The following VSTM4 variants were observed in gnomAD, a reference collection of about 807,000 sequenced individuals.
VSTM4 encodes the protein V-set and transmembrane domain-containing protein 4.
A neutral mutation model predicts 36.4 loss-of-function variants in VSTM4; 20 were observed. The ratio of observed to expected loss-of-function variants is 0.55; its 90% CI spans 0.39 to 0.80. The LOEUF is 0.80. Ranked by LOEUF, VSTM4 falls within the 30% of genes least tolerant of loss-of-function variation. The pLI, the probability that VSTM4 is intolerant of heterozygous loss-of-function variation, is 0.00. For missense variants in VSTM4, 392 were observed against 404.5 expected (o/e 0.97, Z 0.26); for synonymous variants, 182 against 173.9 (o/e 1.05, Z -0.37).
chr10:49,023,835 G>T, intron 7 of VSTM4, among the ~76,000 whole-genome samples: 1 of 152,264 alleles, frequency 6.6e-6, no homozygotes, highest in Admixed American at 6.5e-5. Flanking sequence ...TGGAACTCAG[G>T]ATAGAAGCTT....
intron 3 of VSTM4, among the ~76,000 whole-genome samples, chr10:49,084,417 G>T (rs1844334398): frequency 6.6e-6 from 1 of 152,188 alleles, no homozygotes; most frequent in Non-Finnish European, 1.5e-5. Context: ...GCCTATGTGG[G>T]TGACACCTTA....
chr10:49,098,237 C>G (rs924563569), intron 2 of VSTM4, among the ~76,000 whole-genome samples: 7 of 152,212 alleles, frequency 4.6e-5, no homozygotes, highest in Non-Finnish European at 2.9e-5. Context: ...TCCTCACCAG[C>G]CTTGGGGCTG....
At position 49,077,207 on chromosome 10, in the gene VSTM4, CT is replaced by C. The variant is rs763945584; in HGVS notation, c.634+11del. 2 of 1,613,276 alleles carry C rather than the reference CT, an allele frequency of 1.2e-6. No homozygotes were observed. The highest frequency in any genetic ancestry group is 1.7e-6 in the Non-Finnish European group (2 of 1,179,800). Reference sequence around the variant, plus strand: ...GCTCCCATCCCAGACATGACCTTATCTGTTTTCTTACCTCTGGATTTCCGCT... The same window carrying C: ...GCTCCCATCCCAGACATGACCTTATCGTTTTCTTACCTCTGGATTTCCGCT... On this transcript the variant is annotated intron_variant, in intron 4 of 7. Transcript: ENST00000332853.
intron 2 of VSTM4, chr10:49,102,262 G>C: frequency 3.3e-6 from 1 of 303,302 alleles, no homozygotes; most frequent in Non-Finnish European, 4.8e-6. Context: ...TCAGCCTCCC[G>C]AGTAGCTGGG....
At chr10:49,054,782 G>C (rs569293859) in intron 5 of VSTM4, among the ~76,000 whole-genome samples, 7 of 152,282 alleles carry the variant, frequency 4.6e-5, no homozygotes, top group Non-Finnish European at 8.8e-5. Context: ...GTGGCATCAG[G>C]AGTCCTCACC....
intron 7 of VSTM4, among the ~76,000 whole-genome samples, chr10:49,045,680 G>T (rs1469542629): frequency 6.6e-6 from 1 of 152,176 alleles, no homozygotes; most frequent in Non-Finnish European, 1.5e-5. Context: ...AACAAATAGA[G>T]TCTGGAAAGG....
intron 4 of VSTM4, among the ~76,000 whole-genome samples, chr10:49,076,438 G>A (rs552699911): frequency 1.1e-4 from 16 of 152,310 alleles, no homozygotes; most frequent in African/African-American, 3.6e-4. Flanking sequence ...CACTGGAACC[G>A]GAGTCGGTCC....
At chr10:49,061,868 A>G in intron 5 of VSTM4, among the ~76,000 whole-genome samples, 1 of 152,314 alleles carries the variant, frequency 6.6e-6, no homozygotes, top group South Asian at 2.1e-4. Context: ...GATCATTTAC[A>G]TTTAAAATAA....
At chr10:49,034,455 A>T (rs915341886) in intron 7 of VSTM4, among the ~76,000 whole-genome samples, 4 of 152,214 alleles carry the variant, frequency 2.6e-5, no homozygotes, top group South Asian at 2.1e-4. Context: ...TCATCTTTCT[A>T]TGAACACTCT....
intron 3 of VSTM4, among the ~76,000 whole-genome samples, chr10:49,080,276 T>C (rs1019545566): frequency 6.6e-6 from 1 of 152,198 alleles, no homozygotes; most frequent in Non-Finnish European, 1.5e-5. Flanking sequence ...GAGTAGCAGG[T>C]GGCTGGCTCC....
chr10:49,030,745 T>C (rs760377925), intron 7 of VSTM4, among the ~76,000 whole-genome samples: 46 of 152,166 alleles, frequency 3.0e-4, no homozygotes, highest in Admixed American at 1.8e-3. Flanking sequence ...CCTAACTGCT[T>C]CAAGGACAGG....
chr10:49,102,411 G>A, intron 2 of VSTM4: 9 of 985,348 alleles, frequency 9.1e-6, no homozygotes, highest in Non-Finnish European at 9.6e-6. Flanking sequence ...TGGGATTACA[G>A]GCGTAAGCCA....
chr10:49,095,654 C>A (rs1206441003), intron 2 of VSTM4, among the ~76,000 whole-genome samples: 2 of 152,248 alleles, frequency 1.3e-5, no homozygotes, highest in African/African-American at 2.4e-5. Flanking sequence ...CGAAGTCCCA[C>A]ATCCTCCATG....
At chr10:49,027,205 TC>T (rs1237994285) in intron 7 of VSTM4, among the ~76,000 whole-genome samples, 1 of 152,142 alleles carries the variant, frequency 6.6e-6, no homozygotes, top group East Asian at 1.9e-4. Context: ...ACAGAACTGC[TC>T]CCTGGCCAGT....
chr10:49,023,158 A>G (rs1843207116), intron 7 of VSTM4, among the ~76,000 whole-genome samples: 1 of 152,248 alleles, frequency 6.6e-6, no homozygotes. Context: ...GAATATAATA[A>G]TTTGATTGAA....
intron 1 of VSTM4, among the ~76,000 whole-genome samples, chr10:49,110,021 A>G (rs983975355): frequency 6.6e-6 from 1 of 152,206 alleles, no homozygotes; most frequent in African/African-American, 2.4e-5. Flanking sequence ...GCTGGGGGAC[A>G]CTGGCTGACC....
At chr10:49,028,427 G>A (rs1205429823) in intron 7 of VSTM4, among the ~76,000 whole-genome samples, 1 of 152,144 alleles carries the variant, frequency 6.6e-6, no homozygotes. Flanking sequence ...CACCTCTAAT[G>A]CAAGCCCCTT....
intron 2 of VSTM4, chr10:49,104,010 T>C: frequency 1.5e-6 from 1 of 685,616 alleles, no homozygotes; most frequent in Non-Finnish European, 2.4e-6. Flanking sequence ...TGTTCTGTGT[T>C]TTTGTTTTCC....
At chr10:49,047,667 C>A (rs142014364) in intron 6 of VSTM4, among the ~76,000 whole-genome samples, 2 of 152,312 alleles carry the variant, frequency 1.3e-5, no homozygotes, top group East Asian at 3.9e-4. Flanking sequence ...ACTCCCTTCC[C>A]TCCCAGGTCC....
Sources: gnomAD v4.1 joint callset for allele counts (sites outside exome capture counted in the v4.1 genomes callset) on GRCh38, gnomAD v4.1.1 for gene constraint, MANE v1.5 for transcripts, NCBI Gene and HGNC (gene_info 2026-07-23, HGNC 2026-07-21) for gene names.